Variants in ZFYVE9 observed in about 807,000 individuals in gnomAD.
ZFYVE9 encodes zinc finger FYVE domain-containing protein 9.
In ZFYVE9, 43 loss-of-function variants were observed where a neutral mutation model predicts 126.7. The ratio of observed to expected loss-of-function variants is 0.34; its 90% CI spans 0.27 to 0.44. The LOEUF (loss-of-function observed/expected upper bound fraction) is 0.44. Ranked by LOEUF, ZFYVE9 falls within the 20% of genes least tolerant of loss-of-function variation. The pLI is 1.00. For synonymous variants in ZFYVE9, 521 were observed against 597.4 expected (o/e 0.87, Z 1.87); for missense variants, 1,476 against 1,697.0 (o/e 0.87, Z 2.29).
At chr1:52,193,103 A>G (rs1309173151) in intron 1 of ZFYVE9, among the ~76,000 whole-genome samples, 6 of 151,870 alleles carry the variant, frequency 4.0e-5, no homozygotes, top group African/African-American at 1.2e-4. Flanking sequence ...TAGAGCCTGC[A>G]CTCTTTTTTG....
chr1:52,263,753 T>TGGGGGGGGGCGG lies in ZFYVE9; in HGVS notation c.2179-20_2179-19insGGGGGGGGGCGG. 1 of 713,092 alleles carries TGGGGGGGGGCGG rather than the reference T, an allele frequency of 1.4e-6. No homozygotes were observed. Among genetic ancestry groups the TGGGGGGGGGCGG allele is most frequent in the Non-Finnish European group, 2.0e-6 (1 of 490,714 alleles). 44.2% of individuals were successfully genotyped at this position (713,092 alleles called of 1,614,324 possible). On this transcript the variant is annotated intron_variant, in intron 4 of 18. Transcript: ENST00000287727. ...ATCCCAAGTAAATTTTGTGTGTTCT[T>TGGGGGGGGGCGG]CCCCCCCCCCCCCCCACAGGTTTTC...
chr1:52,198,705 T>G (rs1644893836), intron 1 of ZFYVE9, among the ~76,000 whole-genome samples: 1 of 152,210 alleles, frequency 6.6e-6, no homozygotes, highest in South Asian at 2.1e-4. Flanking sequence ...AACGCTGCTT[T>G]ATATATACAC....
chr1:52,248,730 G>C (rs1439815647), intron 4 of ZFYVE9, among the ~76,000 whole-genome samples: 1 of 152,164 alleles, frequency 6.6e-6, no homozygotes, highest in Non-Finnish European at 1.5e-5. Context: ...ATGAACATGG[G>C]TGTACAAGCA....
intron 1 of ZFYVE9, among the ~76,000 whole-genome samples, chr1:52,201,374 A>ATTTT (rs11344134): frequency 4.4e-5 from 4 of 91,274 alleles, no homozygotes; most frequent in African/African-American, 1.4e-4. Context: ...GTTTTTGGTA[A>ATTTT]TTTTTTTTTT....
At chr1:52,217,417 C>T (rs1055136843) in intron 2 of ZFYVE9, among the ~76,000 whole-genome samples, 7 of 152,168 alleles carry the variant, frequency 4.6e-5, no homozygotes, top group Non-Finnish European at 1.0e-4. Flanking sequence ...CCAACAATTT[C>T]CCCTCTTCTG....
rs369257299 is a variant in ZFYVE9 at position 52,238,610 on chromosome 1, A to T, written c.1193A>T (p.Asp398Val). 1.2e-6 allele frequency: 2 copies of T among 1,614,096 alleles called. No homozygotes were observed. The highest frequency in any genetic ancestry group is 1.7e-6 in the Non-Finnish European group (2 of 1,179,974). Residue 398 changes from aspartate (D) to valine (V), a missense_variant, in exon 4 of 19, where the codon GAC becomes GTC. Around this residue, in one of 2 missense-constraint regions of ZFYVE9, gnomAD observed 807 missense variants for 794.6 expected, o/e 1.02. Coordinates refer to ENST00000287727, the MANE Select transcript of ZFYVE9 (RefSeq NM_004799.4). ...ACAGAGCATTTCTCTGAATCTCAGG[A>T]CATGACTAATTGGAAGTTGACTAAA... is the stretch of plus-strand genomic sequence containing the variant. ...NMTEHFSESQ[D>V]MTNWKLTKLN...
chr1:52,202,469 C>T (rs1452754537), intron 1 of ZFYVE9, among the ~76,000 whole-genome samples: 2 of 151,628 alleles, frequency 1.3e-5, no homozygotes, highest in African/African-American at 4.9e-5. Context: ...TTAGTAGAGA[C>T]GGGGTTTCAC....
chr1:52,239,631 C>T (rs1199763159), intron 4 of ZFYVE9, 36 bp downstream of exon 4: 2 of 1,576,934 alleles, frequency 1.3e-6, no homozygotes, highest in Admixed American at 1.8e-5. Flanking sequence ...ATCGGGCATG[C>T]ACATTTTGTA....
intron 13 of ZFYVE9, among the ~76,000 whole-genome samples, chr1:52,311,455 G>C (rs985435384): frequency 1.3e-5 from 2 of 152,004 alleles, no homozygotes; most frequent in African/African-American, 4.8e-5. Context: ...GGTAGAGACA[G>C]GGTTTCACCA....
chr1:52,290,314 G>C (rs2147826300), intron 10 of ZFYVE9, among the ~76,000 whole-genome samples: 1 of 152,280 alleles, frequency 6.6e-6, no homozygotes, highest in Middle Eastern at 3.4e-3. Flanking sequence ...CCACTCCCAG[G>C]ATAACAGCAT....
At chr1:52,286,442 TAC>T (rs1330281046) in intron 10 of ZFYVE9, among the ~76,000 whole-genome samples, 6 of 152,216 alleles carry the variant, frequency 3.9e-5, no homozygotes, top group African/African-American at 1.2e-4. Context: ...CACATATATA[TAC>T]ACACACACTT....
intron 1 of ZFYVE9, among the ~76,000 whole-genome samples, chr1:52,173,386 C>T (rs910115584): frequency 2.0e-5 from 3 of 152,166 alleles, no homozygotes; most frequent in Non-Finnish European, 4.4e-5. Flanking sequence ...TTTTGATGTG[C>T]TGCTGGATTT....
chr1:52,343,477 C>T lies in ZFYVE9; in HGVS notation c.3940-1291C>T, dbSNP rs1005725235. On this transcript the variant is annotated intron_variant, in intron 17 of 18. Coordinates refer to ENST00000287727, the MANE Select transcript of ZFYVE9 (RefSeq NM_004799.4). ...AAAGAAAAAAAGAAGTCCTTTGGGC[C>T]GGGTGCGGTGGCTCACACCTGTAAT... Among the ~76,000 whole-genome samples the T allele has an allele frequency of 4.6e-5, 7 of 151,110 alleles. No homozygotes were observed. The East Asian group carries it at 7.9e-4, about 17-fold the overall frequency.
intron 11 of ZFYVE9, among the ~76,000 whole-genome samples, chr1:52,294,704 T>G (rs1243872802): frequency 6.6e-6 from 1 of 152,182 alleles, no homozygotes; most frequent in East Asian, 1.9e-4. Context: ...GACCTTCAGT[T>G]TTCTTGGACC....
Position 52,321,503 on chromosome 1 carries a change from A to G in ZFYVE9, c.3439-11265A>G, listed in dbSNP as rs1646239286. ...CAGTATTTAACAATAGATATGTTCA[A>G]ATAAAAGAATCCTCAAGAAGAAGCC... On this transcript the variant is annotated intron_variant, in intron 13 of 18. Transcript: ENST00000287727. 2.0e-5 allele frequency among the ~76,000 whole-genome samples: 3 copies of G among 152,182 alleles called. No homozygotes were observed. In the South Asian group the frequency reaches 6.2e-4, roughly 32 times the overall value.
intron 1 of ZFYVE9, among the ~76,000 whole-genome samples, chr1:52,203,369 G>C (rs978537929): frequency 3.3e-5 from 5 of 151,322 alleles, no homozygotes; most frequent in African/African-American, 1.2e-4. Context: ...TTTTAGTAGA[G>C]ACGGGGTTTC....
In ZFYVE9 at chr1:52,336,555, C is replaced by T. The variant is rs531822082; in HGVS notation, c.3671-1217C>T. Among the ~76,000 whole-genome samples the T allele has an allele frequency of 9.2e-5, 14 of 151,840 alleles. No individual in the cohort carries two copies. The East Asian group carries it at 2.5e-3, about 27-fold the overall frequency. ...TGTATTTTTAGTAGAGATGGGGTTC[C>T]ACCATGTTGGTCAGGCTGGTCTTGA... On this transcript the variant is annotated intron_variant, in intron 15 of 18. Coordinates refer to ENST00000287727, the MANE Select transcript of ZFYVE9 (RefSeq NM_004799.4).
chr1:52,334,567 AT>A (rs1646372248), intron 14 of ZFYVE9, 120 bp from the exon 15 acceptor site: 2 of 978,286 alleles, frequency 2.0e-6, no homozygotes, highest in South Asian at 1.5e-5. Flanking sequence ...TATAGATTTG[AT>A]TTTTTAAAAT....
chr1:52,210,477 C>T (rs935781541), intron 1 of ZFYVE9, among the ~76,000 whole-genome samples: 6 of 151,942 alleles, frequency 3.9e-5, no homozygotes, highest in Admixed American at 2.0e-4. Flanking sequence ...TTTCCCTGTC[C>T]CTATTAAGGT....
Sources: gnomAD v4.1 joint callset for allele counts (sites outside exome capture counted in the v4.1 genomes callset) on GRCh38, gnomAD v4.1.1 for gene constraint, gnomAD v4.1.1 regional missense constraint, MANE v1.5 for transcripts, NCBI Gene and HGNC (gene_info 2026-07-23, HGNC 2026-07-21) for gene names.